The following CENPP variants were observed in gnomAD, a reference collection of about 807,000 sequenced individuals.
CENPP encodes centromere protein P.
Under a neutral mutation model 35.6 loss-of-function variants are expected in CENPP, and 24 were observed. The observed-to-expected ratio is 0.67, with a 90% CI of 0.49 to 0.95. The LOEUF (loss-of-function observed/expected upper bound fraction) is 0.95. Among genes scored for constraint, CENPP ranks in the 40% least tolerant of loss-of-function variants. The pLI is 0.00. For synonymous variants in CENPP, 120 were observed against 125.5 expected, an observed-to-expected ratio of 0.96 and a Z score of 0.29; for missense variants, 332 against 345.3, an observed-to-expected ratio of 0.96 and a Z score of 0.31.
At chr9:92,512,176 G>T in intron 5 of CENPP, 1 of 1,255,758 alleles carries the variant, frequency 8.0e-7, no homozygotes. Context: ...ATACATACAT[G>T]TACACACATG....
intron 5 of CENPP, chr9:92,404,797 T>A (rs1843259848): frequency 2.7e-6 from 1 of 376,240 alleles, no homozygotes; most frequent in Admixed American, 6.3e-5. Flanking sequence ...ATTTTATTAT[T>A]GTGTAATAAA....
chr9:92,554,384 T>C (rs1159683479), intron 5 of CENPP, among the ~76,000 whole-genome samples: 1 of 152,152 alleles, frequency 6.6e-6, no homozygotes, highest in Admixed American at 6.5e-5. Context: ...GGTTTCACCA[T>C]TTTGGTCAGG....
intron 5 of CENPP, among the ~76,000 whole-genome samples, chr9:92,484,921 T>C (rs1846020020): frequency 6.6e-6 from 1 of 152,218 alleles, no homozygotes; most frequent in African/African-American, 2.4e-5. Context: ...TTTGCTTCGA[T>C]CTTTGGTCAG....
intron 5 of CENPP, among the ~76,000 whole-genome samples, chr9:92,463,781 C>T (rs1564334716): frequency 6.6e-6 from 1 of 152,178 alleles, no homozygotes; most frequent in South Asian, 2.1e-4. Flanking sequence ...TGTAGAAAAA[C>T]ATCCACCTCC....
chr9:92,566,375 T>C (rs1191533026), intron 5 of CENPP, among the ~76,000 whole-genome samples: 2 of 149,152 alleles, frequency 1.3e-5, no homozygotes, highest in African/African-American at 2.5e-5. Flanking sequence ...AAAAAATAAA[T>C]AAACAGAAAC....
chr9:92,504,572 G>C (rs1846882291), intron 5 of CENPP, among the ~76,000 whole-genome samples: 1 of 152,134 alleles, frequency 6.6e-6, no homozygotes, highest in African/African-American at 2.4e-5. Flanking sequence ...GTCTCTCTGT[G>C]TTGCCCAGGC....
intron 1 of CENPP, among the ~76,000 whole-genome samples, chr9:92,330,153 G>T (rs551766078): frequency 5.9e-5 from 9 of 152,318 alleles, no homozygotes; most frequent in Admixed American, 5.9e-4. Flanking sequence ...ACGGATGGCA[G>T]TAAGTCCAGA....
chr9:92,601,767 A>G (rs1360169587), intron 5 of CENPP, among the ~76,000 whole-genome samples: 2 of 152,236 alleles, frequency 1.3e-5, no homozygotes, highest in Non-Finnish European at 2.9e-5. Context: ...GAAGGGACAC[A>G]GTCTCTCCCC....
At chr9:92,552,090 A>T (rs142555805) in intron 5 of CENPP, among the ~76,000 whole-genome samples, 22,859 of 127,034 alleles carry the variant, frequency 0.18, 3,703 homozygotes, top group East Asian at 0.68. Flanking sequence ...CATATATGTG[A>T]TATGATAGAT....
rs374973890 is a variant in CENPP at position 92,417,345 on chromosome 9, A to G, written c.564+37486A>G. 8.4e-5 allele frequency: 135 copies of G among 1,613,932 alleles called. No individual in the cohort carries two copies. The highest frequency in any genetic ancestry group is 1.1e-4 in the Non-Finnish European group (132 of 1,179,970). On this transcript the variant is annotated intron_variant, in intron 5 of 7. Coordinates refer to ENST00000375587, the MANE Select transcript of CENPP (RefSeq NM_001012267.3). ...TTATCACAGTACATTGATGATGGAA[A>G]GTTAGTTGGACAGAAGCATTCACTG...
chr9:92,325,805 G>A, upstream of CENPP: 1 of 547,810 alleles, frequency 1.8e-6, no homozygotes, highest in Non-Finnish European at 3.2e-6. Context: ...GGAAGTGGAG[G>A]ACTCAGGCTC....
rs558090625 is a variant in CENPP at position 92,603,323 on chromosome 9, T to C, written c.565-7991T>C. Among the ~76,000 whole-genome samples, 4 of 152,360 alleles carry C rather than the reference T, an allele frequency of 2.6e-5. No individual in the cohort carries two copies. In the South Asian group the frequency reaches 8.3e-4, roughly 32 times the overall value. Reference sequence around the variant, plus strand: ...GTAATGTGTGAAGAACCTAGACCAGTGTCTGGCACAGAGGTGCCTTTGTAT... The same window carrying C: ...GTAATGTGTGAAGAACCTAGACCAGCGTCTGGCACAGAGGTGCCTTTGTAT... On this transcript the variant is annotated intron_variant, in intron 5 of 7. Transcript: ENST00000375587.
intron 4 of CENPP, among the ~76,000 whole-genome samples, chr9:92,352,505 G>GTGTATATATATATATATATATATA: frequency 4.0e-5 from 2 of 49,786 alleles, no homozygotes; most frequent in Admixed American, 2.4e-4. Context: ...GTGTGTGTGT[G>GTGTATATATATATATATATATATA]TATACATATA....
At position 92,502,528 on chromosome 9, in the gene CENPP, G is replaced by A. The variant is rs765952970; in HGVS notation, c.565-108786G>A. The A allele has an allele frequency of 4.3e-6, 7 of 1,612,564 alleles. No individual in the cohort carries two copies. In the East Asian group the frequency reaches 1.6e-4, roughly 36 times the overall value. On this transcript the variant is annotated intron_variant, in intron 5 of 7. Coordinates refer to ENST00000375587, the MANE Select transcript of CENPP (RefSeq NM_001012267.3). ...ATGTACTTACTCTTGATTTATCCAGGCTAAAGGAGCAATCCTATTTTCTTC... is the reference window on the plus strand; with the variant it reads ...ATGTACTTACTCTTGATTTATCCAGACTAAAGGAGCAATCCTATTTTCTTC...
chr9:92,556,972 G>A (rs1177300844), intron 5 of CENPP, among the ~76,000 whole-genome samples: 7 of 152,162 alleles, frequency 4.6e-5, no homozygotes, highest in Non-Finnish European at 1.0e-4. Context: ...GTATTTCCAG[G>A]ATTTGTTTCA....
intron 5 of CENPP, among the ~76,000 whole-genome samples, chr9:92,575,508 A>G (rs1220122754): frequency 6.6e-6 from 1 of 152,204 alleles, no homozygotes; most frequent in Non-Finnish European, 1.5e-5. Flanking sequence ...ACCACCTCAC[A>G]CCCATTAGAA....
At chr9:92,359,746 G>A (rs1003980069) in intron 4 of CENPP, among the ~76,000 whole-genome samples, 1 of 151,768 alleles carries the variant, frequency 6.6e-6, no homozygotes, top group Admixed American at 6.6e-5. Flanking sequence ...ATAAGAAGCC[G>A]CAGTGAACAA....
chr9:92,400,624 A>G (rs1037413312), intron 5 of CENPP, among the ~76,000 whole-genome samples: 3 of 152,232 alleles, frequency 2.0e-5, no homozygotes, highest in South Asian at 2.1e-4. Context: ...GAGTAAGCCA[A>G]GTACACAGGA....
At chr9:92,528,485 T>C (rs1848549402) in intron 5 of CENPP, among the ~76,000 whole-genome samples, 1 of 152,148 alleles carries the variant, frequency 6.6e-6, no homozygotes, top group Non-Finnish European at 1.5e-5. Context: ...AGCACATGTA[T>C]GTAAGTAAAC....
Sources: allele counts gnomAD v4.1 joint callset (sites outside exome capture counted in the v4.1 genomes callset), GRCh38; gene constraint gnomAD v4.1.1; transcripts MANE v1.5; gene names NCBI Gene and HGNC (gene_info 2026-07-23, HGNC 2026-07-21).